The following DNAI1 variants were observed in gnomAD, a reference collection of about 807,000 sequenced individuals.
DNAI1 encodes dynein, axonemal, intermediate polypeptide 1.
A neutral mutation model predicts 92.0 loss-of-function variants in DNAI1; 67 were observed. That is an observed-to-expected ratio of 0.73 (90% CI 0.60 to 0.89). The LOEUF (loss-of-function observed/expected upper bound fraction) is 0.89. Among genes scored for constraint, DNAI1 ranks in the 40% least tolerant of loss-of-function variants. The pLI, the probability that DNAI1 is intolerant of heterozygous loss-of-function variation, is 0.00. For synonymous variants in DNAI1, 323 were observed against 319.6 expected, an observed-to-expected ratio of 1.01 and a Z score of -0.11; for missense variants, 839 against 866.6, an observed-to-expected ratio of 0.97 and a Z score of 0.40.
chr9:34,495,872 G>C (rs1285644665), intron 9 of DNAI1, among the ~76,000 whole-genome samples: 1 of 152,196 alleles, frequency 6.6e-6, no homozygotes, highest in Non-Finnish European at 1.5e-5. Context: ...CTGGAACCAG[G>C]TGAACTCTGA....
intron 1 of DNAI1, among the ~76,000 whole-genome samples, chr9:34,481,697 G>C (rs577496092): frequency 6.6e-6 from 1 of 152,004 alleles, no homozygotes; most frequent in Admixed American, 6.5e-5. Context: ...AGACCTTCAC[G>C]GTGAGTGTTA....
In DNAI1 at chr9:34,481,566, GGTGA is replaced by G. The variant is rs1016359742; in HGVS notation, c.49-1878_49-1875del. 1.4e-4 allele frequency among the ~76,000 whole-genome samples: 21 copies of G among 152,338 alleles called. No individual in the cohort carries two copies. In the East Asian group the frequency reaches 4.0e-3, roughly 29 times the overall value. On this transcript the variant is annotated intron_variant, in intron 1 of 19. Coordinates refer to ENST00000242317, the MANE Select transcript of DNAI1 (RefSeq NM_012144.4). ...CAAGAATGAAGCCGCGGACCCTCGCGGTGAGTGTTATAGCTCTTAAGGTGGTGCG... is the reference window on the plus strand; with the variant it reads ...CAAGAATGAAGCCGCGGACCCTCGCGGTGTTATAGCTCTTAAGGTGGTGCG...
intron 13 of DNAI1, 54 bp from the exon 14 acceptor site, chr9:34,512,055 C>T (rs1244257129): frequency 1.9e-6 from 3 of 1,565,904 alleles, no homozygotes; most frequent in African/African-American, 1.4e-5. Context: ...CTGCCCACAG[C>T]CCTAACTCAA....
chr9:34,515,631 T>G (rs943719764), intron 18 of DNAI1, among the ~76,000 whole-genome samples: 1 of 152,214 alleles, frequency 6.6e-6, no homozygotes, highest in Non-Finnish European at 1.5e-5. Context: ...AGTCTCTCCT[T>G]GGGGATTATG....
chr9:34,458,940 C>A lies in DNAI1; in HGVS notation c.-66C>A. 1 of 1,458,270 alleles carries A rather than the reference C, an allele frequency of 6.9e-7. No individual in the cohort carries two copies. The highest frequency in any genetic ancestry group is 1.1e-5 in the South Asian group (1 of 87,450). The allele number at this position is 1,458,270 out of a possible 1,614,324, so 90.3% of individuals were successfully genotyped here. A position where few individuals can be genotyped will look rare whatever the true frequency, so the allele number is the denominator to read the frequency against. ...AGAGTCCAGATTTCTTGTGTGTGGTCAAGGAGACGGACAAACTTTTTGTCT... is the reference window on the plus strand; with the variant it reads ...AGAGTCCAGATTTCTTGTGTGTGGTAAAGGAGACGGACAAACTTTTTGTCT... On this transcript the variant is annotated 5_prime_UTR_variant, in exon 1 of 20. Coordinates refer to ENST00000242317, the MANE Select transcript of DNAI1 (RefSeq NM_012144.4). This position sits in a 1 kb window ranked among gnomAD's most constrained non-coding sequence, Gnocchi z 6.6.
intron 4 of DNAI1, among the ~76,000 whole-genome samples, chr9:34,487,354 T>C (rs1824494506): frequency 6.6e-6 from 1 of 151,906 alleles, no homozygotes; most frequent in Admixed American, 6.6e-5. Context: ...CCCGGCTAAT[T>C]TTTTGTATTT....
intron 1 of DNAI1, among the ~76,000 whole-genome samples, chr9:34,465,758 T>G (rs1214047274): frequency 6.6e-6 from 1 of 152,230 alleles, no homozygotes; most frequent in Non-Finnish European, 1.5e-5. Context: ...TAATGTTGAC[T>G]CTCTGGCTCC....
At chr9:34,505,777 G>A (rs555038162) in intron 12 of DNAI1, among the ~76,000 whole-genome samples, 85 of 152,210 alleles carry the variant, frequency 5.6e-4, no homozygotes, top group Non-Finnish European at 9.6e-4. Context: ...CATGCCCTCT[G>A]CTTTAGCAGA....
rs1564032958 is a variant in DNAI1, at chr9:34,490,036, T to C, written c.413T>C (p.Ile138Thr). 1 of 1,614,130 alleles carries C rather than the reference T, an allele frequency of 6.2e-7. No homozygotes were observed. Among genetic ancestry groups the C allele is most frequent in the East Asian group, 2.2e-5 (1 of 44,884 alleles). Residue 138 changes from isoleucine (I) to threonine (T), a missense_variant, in exon 6 of 20, where the codon ATT becomes ACT. Coordinates refer to ENST00000242317, the MANE Select transcript of DNAI1 (RefSeq NM_012144.4). ...GGTTCTCAGGAGTCTGTCAAGGTGA[T>C]TTCAGAAACAGGAAACCTCGAAGAA... ...VAGSQESVKV[I>T]SETGNLEEDE...
intron 18 of DNAI1, 83 bp from the exon 19 acceptor site, chr9:34,517,202 C>T (rs1825185061): frequency 6.7e-7 from 1 of 1,482,572 alleles, no homozygotes; most frequent in Non-Finnish European, 9.2e-7. Context: ...CAGTCTTTCC[C>T]CAGGAAGTCC....
intron 12 of DNAI1, 78 bp downstream of exon 12, chr9:34,501,259 C>A: frequency 1.6e-6 from 2 of 1,234,178 alleles, no homozygotes; most frequent in Non-Finnish European, 2.4e-6. Flanking sequence ...GAACTCTTTG[C>A]CAGTTGTAAG....
intron 9 of DNAI1, among the ~76,000 whole-genome samples, chr9:34,494,041 A>G (rs1470485326): frequency 6.6e-6 from 1 of 152,146 alleles, no homozygotes; most frequent in Non-Finnish European, 1.5e-5. Context: ...ACAGACAGAA[A>G]TCTGGATCAG....
At position 34,480,038 on chromosome 9, in the gene DNAI1, A is replaced by G. The variant is rs565255988; in HGVS notation, c.49-3410A>G. Among the ~76,000 whole-genome samples the G allele has an allele frequency of 9.2e-5, 14 of 152,256 alleles. No individual in the cohort carries two copies. In the South Asian group the frequency reaches 2.9e-3, roughly 32 times the overall value. On this transcript the variant is annotated intron_variant, in intron 1 of 19. Coordinates refer to ENST00000242317, the MANE Select transcript of DNAI1 (RefSeq NM_012144.4). The stretch of plus-strand genomic sequence containing the variant: ...GAAACTGAGGCTGCCCCAAGATCAC[A>G]CAAGTGGTCAGTGACAGAGCTGGAA...
chr9:34,512,124 G>A lies in DNAI1; in HGVS notation c.1327G>A (p.Asp443Asn). 1 of 1,614,146 alleles carries A rather than the reference G, an allele frequency of 6.2e-7. No individual in the cohort carries two copies. The highest frequency in any genetic ancestry group is 8.5e-7 in the Non-Finnish European group (1 of 1,180,024). ...GATGTTTCAGGTCAAGTGGCAGAAG[G>A]ATGACATGGACCAAAACCTTAACTT... ...DPVWQVKWQK[D>N]DMDQNLNFFS... The change falls in exon 14 of 20, where the codon GAT (aspartate) becomes AAT (asparagine). Residue 443 changes from aspartate (D) to asparagine (N), a missense_variant. Physicochemically the swap from Asp to Asn is conservative, Grantham distance 23. Coordinates refer to ENST00000242317, the MANE Select transcript of DNAI1 (RefSeq NM_012144.4).
chr9:34,460,294 C>A (rs1315442192), intron 1 of DNAI1, among the ~76,000 whole-genome samples: 1 of 152,160 alleles, frequency 6.6e-6, no homozygotes, highest in Admixed American at 6.5e-5. Flanking sequence ...TTATGAATTA[C>A]CACTCAGGCT....
chr9:34,489,045 A>G, intron 4 of DNAI1: 1 of 392,400 alleles, frequency 2.5e-6, no homozygotes, highest in South Asian at 2.1e-5. Flanking sequence ...TAAGCCAGTG[A>G]TAGGCAAATC....
At chr9:34,490,560 C>T (rs1003819801) in intron 7 of DNAI1, 72 bp downstream of exon 7, 4 of 1,605,732 alleles carry the variant, frequency 2.5e-6, no homozygotes, top group South Asian at 2.2e-5. Context: ...AGGCCTGACC[C>T]TGGCCCTAGC....
intron 13 of DNAI1, 131 bp from the exon 14 acceptor site, chr9:34,511,978 G>A: frequency 7.6e-6 from 6 of 793,654 alleles, no homozygotes; most frequent in South Asian, 5.5e-5. Context: ...CCAATCATGG[G>A]ATTCTGGGAA....
chr9:34,514,687 C>T lies in DNAI1; in HGVS notation c.1766C>T (p.Ala589Val). ...YDLNSAVGDV[A>V]WAPYSSTVFA... ...CTGAACTCAGCCGTGGGTGATGTGGCCTGGGCGCCATACTCTTCTACTGTG... is the reference window on the plus strand; with the variant it reads ...CTGAACTCAGCCGTGGGTGATGTGGTCTGGGCGCCATACTCTTCTACTGTG... The change falls in exon 18 of 20, where the codon GCC becomes GTC. Residue 589 changes from alanine (A) to valine (V), a missense_variant. Ala to Val is a moderately conservative substitution (Grantham distance 64). Coordinates refer to ENST00000242317, the MANE Select transcript of DNAI1 (RefSeq NM_012144.4). The T allele has an allele frequency of 6.2e-7, 1 of 1,614,168 alleles. No homozygotes were observed. The highest frequency in any genetic ancestry group is 8.5e-7 in the Non-Finnish European group (1 of 1,180,054).
Sources: allele counts gnomAD v4.1 joint callset (sites outside exome capture counted in the v4.1 genomes callset), GRCh38; gene constraint gnomAD v4.1.1; non-coding constraint Gnocchi (gnomAD v3.1); transcripts MANE v1.5; gene names NCBI Gene and HGNC (gene_info 2026-07-23, HGNC 2026-07-21).